The following TAFA5 variants were observed in gnomAD, a reference collection of about 807,000 sequenced individuals.
The protein encoded by TAFA5 is TAFA chemokine like family member 5.
A neutral mutation model predicts 15.3 loss-of-function variants in TAFA5; 6 were observed. The observed-to-expected ratio is 0.39, with a 90% CI of 0.21 to 0.77. The LOEUF is 0.77. Ranked by LOEUF, TAFA5 falls within the 30% of genes least tolerant of loss-of-function variation. The pLI is 0.41. For missense variants in TAFA5, 161 were observed against 193.1 expected (o/e 0.83, Z 0.98); for synonymous variants, 103 against 80.7 (o/e 1.28, Z -1.48).
intron 1 of TAFA5, among the ~76,000 whole-genome samples, chr22:48,604,289 C>T (rs772352698): frequency 5.3e-5 from 8 of 152,206 alleles, no homozygotes; most frequent in Non-Finnish European, 8.8e-5. Flanking sequence ...TGTATGTGTG[C>T]CTTGAGGACC....
At chr22:48,498,946 C>T (rs780063482) in intron 1 of TAFA5, among the ~76,000 whole-genome samples, 1 of 152,210 alleles carries the variant, frequency 6.6e-6, no homozygotes, top group Non-Finnish European at 1.5e-5. Context: ...TGCAGCTGGA[C>T]GGGCCAGCGT....
chr22:48,567,476 A>C (rs560881360), intron 1 of TAFA5, among the ~76,000 whole-genome samples: 6 of 152,336 alleles, frequency 3.9e-5, no homozygotes, highest in Non-Finnish European at 7.4e-5. Context: ...TAAGAATTTC[A>C]AAAAGGAGAG....
At chr22:48,534,476 G>C (rs925528278) in intron 1 of TAFA5, among the ~76,000 whole-genome samples, 5 of 152,138 alleles carry the variant, frequency 3.3e-5, no homozygotes, top group African/African-American at 1.2e-4. Context: ...AGGAGGGGCC[G>C]TGTCAGCTGA....
At chr22:48,671,244 A>T (rs1927795126) in intron 2 of TAFA5, among the ~76,000 whole-genome samples, 1 of 152,222 alleles carries the variant, frequency 6.6e-6, no homozygotes, top group South Asian at 2.1e-4. Flanking sequence ...GAGGACCAGA[A>T]TGAGCAGGTC....
chr22:48,491,273 C>T (rs1380176499), intron 1 of TAFA5, among the ~76,000 whole-genome samples: 1 of 152,130 alleles, frequency 6.6e-6, no homozygotes, highest in Non-Finnish European at 1.5e-5. Flanking sequence ...AGAAGATCCC[C>T]AAGCAAGGCT....
Position 48,597,412 on chromosome 22 carries a change from C to T in TAFA5, c.113-49185C>T, listed in dbSNP as rs1924806697. ...GGGCCTCAGTTTCCCTGCTGTTCCC[C>T]TCTGGCTGGCTCACATGCAGAGTGT... is the stretch of plus-strand genomic sequence containing the variant. On this transcript the variant is annotated intron_variant, in intron 1 of 3. Coordinates refer to ENST00000402357, the MANE Select transcript of TAFA5 (RefSeq NM_001082967.3). Among the ~76,000 whole-genome samples the T allele has an allele frequency of 2.6e-5, 4 of 151,866 alleles. No homozygotes were observed. In the South Asian group the frequency reaches 6.3e-4, roughly 24 times the overall value.
At chr22:48,656,632 CAAT>C (rs1479772736) in intron 2 of TAFA5, among the ~76,000 whole-genome samples, 1 of 140,414 alleles carries the variant, frequency 7.1e-6, no homozygotes, top group African/African-American at 2.7e-5. Flanking sequence ...GGAAGAAAGA[CAAT>C]AATAAAGATC....
At chr22:48,496,744 G>A (rs752337760) in intron 1 of TAFA5, among the ~76,000 whole-genome samples, 3 of 152,196 alleles carry the variant, frequency 2.0e-5, no homozygotes, top group Non-Finnish European at 4.4e-5. Context: ...AAGGGCAGGC[G>A]GGGTGGTCCA....
intron 1 of TAFA5, among the ~76,000 whole-genome samples, chr22:48,536,364 A>G (rs778559252): frequency 6.6e-6 from 1 of 152,202 alleles, no homozygotes; most frequent in Non-Finnish European, 1.5e-5. Flanking sequence ...GTCCGCCAAC[A>G]AGTTATATGT....
At chr22:48,688,111 T>TC (rs57284769) in intron 2 of TAFA5, among the ~76,000 whole-genome samples, 4 of 150,042 alleles carry the variant, frequency 2.7e-5, no homozygotes, top group African/African-American at 4.9e-5. Flanking sequence ...GGTTTTTTTT[T>TC]CCCTCTCTCT....
chr22:48,679,167 CGTCCATCCCTCTCCCGGCTCCCT>C (rs1928089601), intron 2 of TAFA5, among the ~76,000 whole-genome samples: 1 of 74,856 alleles, frequency 1.3e-5, no homozygotes, highest in Admixed American at 1.3e-4. Flanking sequence ...CCCGGCTCGG[CGTCCATCCCTCTCCCGGCTCCCT>C]GTCCATCCCT....
chr22:48,575,665 C>G (rs1370338179), intron 1 of TAFA5, among the ~76,000 whole-genome samples: 3 of 145,800 alleles, frequency 2.1e-5, no homozygotes, highest in Non-Finnish European at 4.6e-5. Flanking sequence ...GCGGTGGGCC[C>G]GGACCTAGTC....
At chr22:48,674,467 G>A (rs1287710728) in intron 2 of TAFA5, among the ~76,000 whole-genome samples, 3 of 152,034 alleles carry the variant, frequency 2.0e-5, no homozygotes, top group Admixed American at 6.6e-5. Flanking sequence ...GACCTTTCAG[G>A]TACGTCCCTC....
At position 48,579,187 on chromosome 22, in the gene TAFA5, G is replaced by A. The variant is rs139920813; in HGVS notation, c.113-67410G>A. 4.7e-3 allele frequency among the ~76,000 whole-genome samples: 710 copies of A among 152,290 alleles called. 4 individuals carry two copies. The highest frequency in any genetic ancestry group is 5.3e-3 in the Non-Finnish European group (358 of 68,022). On this transcript the variant is annotated intron_variant, in intron 1 of 3. Coordinates refer to ENST00000402357, the MANE Select transcript of TAFA5 (RefSeq NM_001082967.3). The stretch of plus-strand genomic sequence containing the variant: ...GTGGAGATGAATAGGGCTGTGAACC[G>A]AGAGAGAGGCAAATTGCGGTCCATA...
intron 1 of TAFA5, among the ~76,000 whole-genome samples, chr22:48,531,740 C>G (rs1445683861): frequency 6.6e-6 from 1 of 152,196 alleles, no homozygotes; most frequent in East Asian, 1.9e-4. Flanking sequence ...GGGGTTTGTA[C>G]AGGGAGGTTG....
At chr22:48,649,338 G>C (rs957610442) in intron 2 of TAFA5, among the ~76,000 whole-genome samples, 1 of 152,210 alleles carries the variant, frequency 6.6e-6, no homozygotes, top group South Asian at 2.1e-4. Context: ...CAGCCCTGAG[G>C]GTTTCTGGGA....
At chr22:48,715,641 G>T (rs1929380753) in intron 3 of TAFA5, among the ~76,000 whole-genome samples, 1 of 152,210 alleles carries the variant, frequency 6.6e-6, no homozygotes, top group Admixed American at 6.5e-5. Flanking sequence ...AGCCCTGTAG[G>T]TGTCATTACC....
chr22:48,716,228 T>C lies in TAFA5; in HGVS notation c.390+8384T>C, dbSNP rs1244055085. Among the ~76,000 whole-genome samples, 3 of 152,198 alleles carry C rather than the reference T, an allele frequency of 2.0e-5. No homozygotes were observed. In the East Asian group the frequency reaches 5.8e-4, roughly 29 times the overall value. On this transcript the variant is annotated intron_variant, in intron 3 of 3. Coordinates refer to ENST00000402357, the MANE Select transcript of TAFA5 (RefSeq NM_001082967.3). Reference sequence around the variant, plus strand: ...TGCCTAGGATCCACACATATGTATATTGCAGCACTATTTACAATAGCAAAG... The same window carrying C: ...TGCCTAGGATCCACACATATGTATACTGCAGCACTATTTACAATAGCAAAG...
chr22:48,561,980 C>T (rs1200187091), intron 1 of TAFA5, among the ~76,000 whole-genome samples: 1 of 152,116 alleles, frequency 6.6e-6, no homozygotes, highest in Non-Finnish European at 1.5e-5. Flanking sequence ...TCCCTGAGTG[C>T]TCTCTGCCTC....
Sources: allele counts gnomAD v4.1 joint callset (sites outside exome capture counted in the v4.1 genomes callset), GRCh38; gene constraint gnomAD v4.1.1; transcripts MANE v1.5; gene names NCBI Gene and HGNC (gene_info 2026-07-23, HGNC 2026-07-21).